ANK2: variants seen among roughly 807,000 people sequenced by gnomAD.
ANK2 encodes ankyrin-2.
A neutral mutation model predicts 360.5 loss-of-function variants in ANK2; 83 were observed. The ratio of observed to expected loss-of-function variants is 0.23; its 90% CI spans 0.19 to 0.28. The LOEUF (loss-of-function observed/expected upper bound fraction) is 0.28, where lower values mean the gene tolerates loss of function less well. Ranked by LOEUF, ANK2 falls within the 10% of genes least tolerant of loss-of-function variation. The pLI, the probability that ANK2 is intolerant of heterozygous loss-of-function variation, is 1.00. For missense variants in ANK2, 4,201 were observed against 4,795.7 expected (o/e 0.88, Z 3.66); for synonymous variants, 1,740 against 1,759.5 (o/e 0.99, Z 0.28).
At chr4:113,196,740 T>C (rs1473644619) in intron 3 of ANK2, among the ~76,000 whole-genome samples, 1 of 152,086 alleles carries the variant, frequency 6.6e-6, no homozygotes, top group Non-Finnish European at 1.5e-5. Flanking sequence ...CTATGTTGCC[T>C]TCCTGGGCTC....
At chr4:113,084,038 A>T (rs1421214302) in intron 1 of ANK2, among the ~76,000 whole-genome samples, 1 of 152,146 alleles carries the variant, frequency 6.6e-6, no homozygotes, top group Non-Finnish European at 1.5e-5. Flanking sequence ...TCAAGTTTAT[A>T]AAGATGTGTT....
rs190474043 is a variant in ANK2, at chr4:113,351,192, T to C, written c.4426+943T>C. ...AAGTTTATTGAATATCAATAAACTT[T>C]ATTTCAGAGTTTATTTTGATTTGCT... is the stretch of plus-strand genomic sequence containing the variant. On this transcript the variant is annotated intron_variant, in intron 37 of 45. Transcript: ENST00000357077. Among the ~76,000 whole-genome samples, 5 of 152,312 alleles carry C rather than the reference T, an allele frequency of 3.3e-5. No homozygotes were observed. In the East Asian group the frequency reaches 9.6e-4, roughly 29 times the overall value.
At position 113,240,596 on chromosome 4, in the gene ANK2, A is replaced by G. The variant is rs2039240924; in HGVS notation, c.792+13A>G. ...CTTCACAGCCAGGGTATGGATTGAAATAGTTTCTCATTCTAGATAGCAGTA... is the reference window on the plus strand; with the variant it reads ...CTTCACAGCCAGGGTATGGATTGAAGTAGTTTCTCATTCTAGATAGCAGTA... On this transcript the variant is annotated intron_variant, in intron 8 of 45. Transcript: ENST00000357077. The G allele has an allele frequency of 1.3e-6, 2 of 1,586,060 alleles. No homozygotes were observed. The highest frequency in any genetic ancestry group is 1.7e-4 in the Middle Eastern group (1 of 6,022).
chr4:112,730,274 AAAG>A, the ANK2 span, among the ~76,000 whole-genome samples: 3 of 150,518 alleles, frequency 2.0e-5, no homozygotes, highest in Admixed American at 1.3e-4. Context: ...AAAAAAAAAA[AAAG>A]AGAATACGTT....
At chr4:112,900,703 A>G (rs551959063) in intron 1 of ANK2, among the ~76,000 whole-genome samples, 1 of 152,126 alleles carries the variant, frequency 6.6e-6, no homozygotes, top group East Asian at 1.9e-4. Flanking sequence ...CTTCCCCCCA[A>G]TTTCCATTTC....
chr4:113,027,964 G>T lies in ANK2; in HGVS notation c.21+123450G>T, dbSNP rs576932597. Among the ~76,000 whole-genome samples the T allele has an allele frequency of 2.0e-5, 3 of 152,166 alleles. No homozygotes were observed. In the South Asian group the frequency reaches 6.2e-4, roughly 32 times the overall value. On this transcript the variant is annotated intron_variant, in intron 2 of 30. Transcript: ENST00000503271. Reference sequence around the variant, plus strand: ...AGCAAAATAAGATGGTGTAAAATGTGCATTCCCCTGACTTCACCATTTATT... The same window carrying T: ...AGCAAAATAAGATGGTGTAAAATGTTCATTCCCCTGACTTCACCATTTATT...
intron 2 of ANK2, among the ~76,000 whole-genome samples, chr4:112,957,924 G>T (rs1210013980): frequency 6.6e-6 from 1 of 151,480 alleles, no homozygotes; most frequent in African/African-American, 2.4e-5. Flanking sequence ...ACGGGGTCGC[G>T]GCCAGGTAGA....
At chr4:113,242,230 A>C in intron 9 of ANK2, 21 bp downstream of exon 9, 22 of 1,594,030 alleles carry the variant, frequency 1.4e-5, no homozygotes, top group Non-Finnish European at 1.8e-5. Flanking sequence ...CTGTTCTTTC[A>C]ATTTTCTACC....
intron 2 of ANK2, among the ~76,000 whole-genome samples, chr4:113,000,773 T>A (rs2050321649): frequency 6.6e-6 from 1 of 152,202 alleles, no homozygotes; most frequent in Non-Finnish European, 1.5e-5. Flanking sequence ...TGTCATTTCC[T>A]TCATGTGGAT....
chr4:112,827,829 G>A (rs2058730071), intron 1 of ANK2, among the ~76,000 whole-genome samples: 1 of 152,142 alleles, frequency 6.6e-6, no homozygotes, highest in Non-Finnish European at 1.5e-5. Context: ...TCCTATCTAA[G>A]TGACAATAAT....
intron 14 of ANK2, among the ~76,000 whole-genome samples, chr4:113,272,372 T>G (rs2058855853): frequency 6.6e-6 from 1 of 152,228 alleles, no homozygotes; most frequent in East Asian, 1.9e-4. Flanking sequence ...TCTTTACCTT[T>G]TCCCATGAAT....
At chr4:113,280,526 A>G (rs911244020) in intron 17 of ANK2, among the ~76,000 whole-genome samples, 2 of 152,106 alleles carry the variant, frequency 1.3e-5, no homozygotes, top group African/African-American at 2.4e-5. Context: ...AGGGCTCCAG[A>G]TGGTAAGATC....
At chr4:113,246,036 T>A (rs1240948967) in intron 9 of ANK2, among the ~76,000 whole-genome samples, 1 of 152,226 alleles carries the variant, frequency 6.6e-6, no homozygotes, top group African/African-American at 2.4e-5. Context: ...CCTCAGGTGA[T>A]CTGCCCGCCT....
chr4:112,816,143 G>A (rs1219600723), upstream of ANK2, among the ~76,000 whole-genome samples: 1 of 152,098 alleles, frequency 6.6e-6, no homozygotes. Flanking sequence ...GTTAACTCTG[G>A]GTAGTCAGTG....
the ANK2 span, among the ~76,000 whole-genome samples, chr4:112,724,303 G>A: frequency 6.6e-6 from 1 of 152,084 alleles, no homozygotes; most frequent in Non-Finnish European, 1.5e-5. Context: ...GACCTCAGGT[G>A]ATCCGCCGCC....
chr4:112,803,772 T>C, the ANK2 span, among the ~76,000 whole-genome samples: 2 of 152,230 alleles, frequency 1.3e-5, no homozygotes, highest in Non-Finnish European at 2.9e-5. Flanking sequence ...AGACTATGTC[T>C]TAATCTCTGT....
chr4:112,918,747 C>T (rs996409069), intron 2 of ANK2, among the ~76,000 whole-genome samples: 1 of 152,088 alleles, frequency 6.6e-6, no homozygotes, highest in African/African-American at 2.4e-5. Flanking sequence ...TTTTTGTATC[C>T]TTTAATTTTC....
Position 113,327,688 on chromosome 4 carries a change from T to C in ANK2, c.2901-2558T>C, listed in dbSNP as rs532963848. Among the ~76,000 whole-genome samples the C allele has an allele frequency of 7.9e-5, 12 of 152,346 alleles. No individual in the cohort carries two copies. The East Asian group carries it at 1.7e-3, about 22-fold the overall frequency. On this transcript the variant is annotated intron_variant, in intron 26 of 45. Coordinates refer to ENST00000357077, the MANE Select transcript of ANK2 (RefSeq NM_001148.6). The stretch of plus-strand genomic sequence containing the variant: ...TCCTATGTGTGGACTTAGTCATTTC[T>C]CAGTGACCAGGAAAGTAAGCAGTTC...
chr4:113,293,364 C>A, intron 21 of ANK2, 76 bp from the exon 22 acceptor site: 1 of 1,258,542 alleles, frequency 7.9e-7, no homozygotes, highest in Non-Finnish European at 1.1e-6. Flanking sequence ...TGATGCAGAG[C>A]AGCGGGTGAG....
Sources: gnomAD v4.1 joint callset for allele counts (sites outside exome capture counted in the v4.1 genomes callset) on GRCh38, gnomAD v4.1.1 for gene constraint, MANE v1.5 for transcripts, NCBI Gene and HGNC (gene_info 2026-07-23, HGNC 2026-07-21) for gene names.